Variants in ADNP observed in about 807,000 individuals in gnomAD.
ADNP encodes activity-dependent neuroprotector homeobox protein.
Under a neutral mutation model 84.9 loss-of-function variants are expected in ADNP, and 4 were observed. The ratio of observed to expected loss-of-function variants is 0.05; its 90% CI spans 0.02 to 0.11. The LOEUF is 0.11. Ranked by LOEUF, ADNP falls within the 10% of genes least tolerant of loss-of-function variation. ADNP has a pLI of 1.00. For synonymous variants in ADNP, 554 were observed against 468.1 expected (o/e 1.18, Z -2.37); for missense variants, 1,132 against 1,326.0 (o/e 0.85, Z 2.27).
At chr20:50,907,904 G>GT (rs1201797586) in intron 2 of ADNP, among the ~76,000 whole-genome samples, 2 of 152,122 alleles carry the variant, frequency 1.3e-5, no homozygotes, top group East Asian at 3.9e-4. Context: ...GGCCAGGAAT[G>GT]TATGTTCACA....
intron 2 of ADNP, chr20:50,909,745 CAGCAG>C (rs1482652175): frequency 2.6e-5 from 4 of 152,218 alleles, no homozygotes; most frequent in African/African-American, 4.8e-5. Context: ...GTCACTTTTC[CAGCAG>C]AGCAGAGTAC....
chr20:50,893,993 T>C lies in ADNP; in HGVS notation c.721A>G (p.Ile241Val). 6.2e-7 allele frequency: 1 copy of C among 1,614,186 alleles called. No homozygotes were observed. Among genetic ancestry groups the C allele is most frequent in the Non-Finnish European group, 8.5e-7 (1 of 1,180,034 alleles). The stretch of plus-strand genomic sequence containing the variant: ...TAGCCTATACGTTCATGGTCTTCGA[T>C]GACATGCTGTACCAAAGCTTCATAG... ...KSYEALVQHV[I>V]EDHERIGYQV... Residue 241 changes from isoleucine to valine, a missense_variant, in exon 6 of 6, where the codon ATC (isoleucine) becomes GTC (valine). By Grantham distance (29) the Ile-to-Val change is conservative. Transcript: ENST00000621696. The surrounding 1 kb of genome is among the most constrained non-coding windows in gnomAD (Gnocchi z 4.4).
chr20:50,897,651 G>A (rs768256085), intron 5 of ADNP, among the ~76,000 whole-genome samples: 3 of 152,118 alleles, frequency 2.0e-5, no homozygotes, highest in Non-Finnish European at 4.4e-5. Flanking sequence ...TCTTCTCAGT[G>A]TCTCCCTAAG....
chr20:50,897,965 C>A (rs1316773208), intron 5 of ADNP, among the ~76,000 whole-genome samples: 2 of 152,104 alleles, frequency 1.3e-5, no homozygotes, highest in African/African-American at 4.8e-5. Context: ...ATGCTTGAAG[C>A]CCCTAGGGTT....
Position 50,891,351 on chromosome 20 carries a change from T to C in ADNP, c.*54A>G, listed in dbSNP as rs192416296. 5.6e-4 allele frequency: 841 copies of C among 1,514,126 alleles called. 3 individuals are homozygous for C. Among genetic ancestry groups the C allele is most frequent in the Non-Finnish European group, 2.2e-4 (254 of 1,137,890 alleles). The allele number at this position is 1,514,126 out of a possible 1,614,324, so 93.8% of individuals were successfully genotyped here. ...TGAGAAGACAGCTTTGCAGTCACAC[T>C]GGATATCAGAGTTCCAGGCTGCAGC... On this transcript the variant is annotated 3_prime_UTR_variant, in exon 6 of 6. Transcript: ENST00000621696.
intron 2 of ADNP, among the ~76,000 whole-genome samples, chr20:50,907,934 A>G (rs1433184899): frequency 6.6e-6 from 1 of 152,150 alleles, no homozygotes; most frequent in Non-Finnish European, 1.5e-5. Context: ...AACATTCTAC[A>G]ACTTTCAGTG....
chr20:50,895,006 A>T (rs904443104), intron 5 of ADNP, among the ~76,000 whole-genome samples: 12 of 152,182 alleles, frequency 7.9e-5, no homozygotes, highest in South Asian at 2.1e-4. Context: ...AGTGTAAATT[A>T]AAAAAATGCT....
intron 3 of ADNP, chr20:50,904,250 G>A (rs1201509171): frequency 2.3e-6 from 1 of 443,694 alleles, no homozygotes; most frequent in African/African-American, 2.0e-5. Flanking sequence ...CTGGAGTGCA[G>A]TGCACTCATG....
chr20:50,896,132 G>A (rs1981365793), intron 5 of ADNP, among the ~76,000 whole-genome samples: 1 of 152,110 alleles, frequency 6.6e-6, no homozygotes, highest in African/African-American at 2.4e-5. Context: ...GGCTGAGGCA[G>A]GAGAATCACT....
rs182174045 is a variant in ADNP at position 50,897,562 on chromosome 20, T to C, written c.202-3050A>G. Among the ~76,000 whole-genome samples, 669 of 152,328 alleles carry C rather than the reference T, an allele frequency of 4.4e-3. 8 individuals carry two copies. The highest frequency in any genetic ancestry group is 0.015 in the African/African-American group (636 of 41,564). Reference sequence around the variant, plus strand: ...CTTCCAGATGCCATTCATACACTCCTTGATGACATCAACCCAAGCCCAAGC... The same window carrying C: ...CTTCCAGATGCCATTCATACACTCCCTGATGACATCAACCCAAGCCCAAGC... On this transcript the variant is annotated intron_variant, in intron 5 of 5. Coordinates refer to ENST00000621696, the MANE Select transcript of ADNP (RefSeq NM_001282531.3).
At chr20:50,912,774 G>A (rs182683672) in intron 2 of ADNP, among the ~76,000 whole-genome samples, 1 of 152,266 alleles carries the variant, frequency 6.6e-6, no homozygotes, top group East Asian at 1.9e-4. Context: ...AAGTGATAGG[G>A]AATCCACAGT....
Position 50,892,072 on chromosome 20 carries a change from T to A in ADNP, c.2642A>T (p.Asn881Ile). The A allele has an allele frequency of 6.2e-7, 1 of 1,614,182 alleles. No homozygotes were observed. Among genetic ancestry groups the A allele is most frequent in the African/African-American group, 1.3e-5 (1 of 75,052 alleles). The change falls in exon 6 of 6, where the codon AAT becomes ATT. Residue 881 changes from asparagine to isoleucine, a missense_variant. By Grantham distance (149) the Asn-to-Ile change is moderately radical. Transcript: ENST00000621696. ...EDDSSSDSFE[N>I]LEEESNESGS... is the part of the protein sequence containing the mutation. ...ACTTTCATTGGATTCTTCTTCCAAA[T>A]TTTCAAAACTGTCTGAGGAACTGTC...
At position 50,892,069 on chromosome 20, in the gene ADNP, A is replaced by G; in HGVS notation, c.2645T>C (p.Leu882Ser). 1 of 1,614,142 alleles carries G rather than the reference A, an allele frequency of 6.2e-7. No individual in the cohort carries two copies. Among genetic ancestry groups the G allele is most frequent in the Admixed American group, 1.7e-5 (1 of 60,014 alleles). ...DDSSSDSFEN[L>S]EEESNESGSP... Reference sequence around the variant, plus strand: ...ACCACTTTCATTGGATTCTTCTTCCAAATTTTCAAAACTGTCTGAGGAACT... The same window carrying G: ...ACCACTTTCATTGGATTCTTCTTCCGAATTTTCAAAACTGTCTGAGGAACT... The change falls in exon 6 of 6, where the codon TTG becomes TCG. Residue 882 changes from leucine (L) to serine (S), a missense_variant. By Grantham distance (145) the Leu-to-Ser change is moderately radical. This residue lies in a region of ADNP where 381 missense variants were observed against 319.9 expected (regional missense o/e 1.19). Coordinates refer to ENST00000621696, the MANE Select transcript of ADNP (RefSeq NM_001282531.3).
intron 2 of ADNP, among the ~76,000 whole-genome samples, chr20:50,917,238 G>A (rs1479587193): frequency 1.3e-5 from 2 of 152,296 alleles, no homozygotes; most frequent in East Asian, 1.9e-4. Context: ...AGGTTGAAAT[G>A]GTCTTCAAAA....
chr20:50,898,515 C>T (rs1409486800), intron 5 of ADNP, among the ~76,000 whole-genome samples: 2 of 152,314 alleles, frequency 1.3e-5, no homozygotes, highest in Non-Finnish European at 1.5e-5. Flanking sequence ...GAAGCAGATG[C>T]TTTAACAGCT....
chr20:50,891,057 G>C lies in ADNP; in HGVS notation c.*348C>G. The stretch of plus-strand genomic sequence containing the variant: ...GTATGTTGGCCCTACACTACCATGT[G>C]AATTAGTTTAACACTTCTCAAAGAC... On this transcript the variant is annotated 3_prime_UTR_variant, in exon 6 of 6. Transcript: ENST00000621696. 8 of 1,074,478 alleles carry C rather than the reference G, an allele frequency of 7.4e-6. No homozygotes were observed. Among genetic ancestry groups the C allele is most frequent in the Non-Finnish European group, 9.0e-6 (8 of 887,834 alleles). 66.6% of individuals were successfully genotyped at this position (1,074,478 alleles called of 1,614,324 possible). A position where few individuals can be genotyped will look rare whatever the true frequency, so the allele number is the denominator to read the frequency against.
At chr20:50,914,971 C>A (rs574573079) in intron 2 of ADNP, among the ~76,000 whole-genome samples, 5 of 146,928 alleles carry the variant, frequency 3.4e-5, no homozygotes, top group Admixed American at 1.3e-4. Context: ...CCCATGTACA[C>A]GTGTATTTTT....
chr20:50,907,552 C>CCACCAT (rs1160183529), intron 2 of ADNP, among the ~76,000 whole-genome samples: 1 of 152,100 alleles, frequency 6.6e-6, no homozygotes, highest in Non-Finnish European at 1.5e-5. Flanking sequence ...CAGGCGTGCA[C>CCACCAT]CACCATGCCT....
rs57985341 is a variant in ADNP at position 50,925,263 on chromosome 20, T to TACACACACACACACACACACACACAC, written c.-90+3362_-90+3387dup. 2.7e-4 allele frequency among the ~76,000 whole-genome samples: 41 copies of TACACACACACACACACACACACACAC among 149,096 alleles called. No homozygotes were observed. In the East Asian group the frequency reaches 4.5e-3, roughly 16 times the overall value. ...CTCAATTTTTATCTGTGACTTCCTA[T>TACACACACACACACACACACACACAC]ACACACACACACACACACACACACA... is the stretch of plus-strand genomic sequence containing the variant. On this transcript the variant is annotated intron_variant, in intron 2 of 5. Transcript: ENST00000621696.
Sources: gnomAD v4.1 joint callset for allele counts (sites outside exome capture counted in the v4.1 genomes callset) on GRCh38, gnomAD v4.1.1 for gene constraint, gnomAD v4.1.1 regional missense constraint, Gnocchi (gnomAD v3.1) non-coding constraint, MANE v1.5 for transcripts, NCBI Gene and HGNC (gene_info 2026-07-23, HGNC 2026-07-21) for gene names.